Variants in STRN3 observed in about 807,000 individuals in gnomAD.
STRN3 encodes striatin-3.
Under a neutral mutation model 95.6 loss-of-function variants are expected in STRN3, and 29 were observed. That is an observed-to-expected ratio of 0.30 (90% CI 0.23 to 0.41). The LOEUF (loss-of-function observed/expected upper bound fraction) is 0.41. Among genes scored for constraint, STRN3 ranks in the 10% least tolerant of loss-of-function variants. The pLI is 1.00. For synonymous variants in STRN3, 331 were observed against 357.6 expected (o/e 0.93, Z 0.84); for missense variants, 890 against 972.1 (o/e 0.92, Z 1.12).
At chr14:30,957,750 T>C (rs1879992163) in intron 1 of STRN3, among the ~76,000 whole-genome samples, 1 of 152,188 alleles carries the variant, frequency 6.6e-6, no homozygotes, top group South Asian at 2.1e-4. Flanking sequence ...CACTAAAGAA[T>C]AATGTTGAAA....
intron 13 of STRN3, 32 bp from the exon 14 acceptor site, chr14:30,907,076 GTAAAAGAAGTT>G (rs1389866990): frequency 1.9e-6 from 3 of 1,590,620 alleles, no homozygotes; most frequent in Non-Finnish European, 2.6e-6. Flanking sequence ...AAAAAATTAG[GTAAAAGAAGTT>G]TAAAAGAAAC....
At chr14:30,969,380 T>A (rs1354715231) in intron 1 of STRN3, among the ~76,000 whole-genome samples, 1 of 151,828 alleles carries the variant, frequency 6.6e-6, no homozygotes, top group East Asian at 1.9e-4. Flanking sequence ...GAGCTTGCAA[T>A]GAGCTGAGAT....
intron 15 of STRN3, among the ~76,000 whole-genome samples, chr14:30,903,473 C>T (rs1896379416): frequency 1.3e-5 from 2 of 152,146 alleles, no homozygotes; most frequent in Non-Finnish European, 2.9e-5. Flanking sequence ...GCAATCATAG[C>T]TCACTGTAAC....
At chr14:30,965,768 C>CAAA (rs57644568) in intron 1 of STRN3, among the ~76,000 whole-genome samples, 2 of 103,758 alleles carry the variant, frequency 1.9e-5, no homozygotes, top group Non-Finnish European at 3.9e-5. Flanking sequence ...AACTCCATCT[C>CAAA]AAAAAAAAAA....
At chr14:31,001,568 T>C (rs1398499067) in intron 1 of STRN3, among the ~76,000 whole-genome samples, 7 of 151,198 alleles carry the variant, frequency 4.6e-5, no homozygotes, top group African/African-American at 1.7e-4. Flanking sequence ...ATGCCCTGAA[T>C]TCACATTTTG....
intron 1 of STRN3, chr14:31,025,455 G>T (rs112406943): frequency 5.5e-5 from 9 of 163,158 alleles, no homozygotes; most frequent in African/African-American, 2.3e-4. Context: ...AATCGGAAAG[G>T]GGGGTGGTCC....
intron 1 of STRN3, among the ~76,000 whole-genome samples, chr14:31,019,776 T>C (rs1004652476): frequency 4.6e-5 from 7 of 152,074 alleles, no homozygotes; most frequent in Non-Finnish European, 8.8e-5. Flanking sequence ...AAGGGGACTA[T>C]ACAATCCCCC....
rs1883921770 is a variant in STRN3 at position 31,026,265 on chromosome 14, G to C, written c.-80C>G. ...GGCCGGAGAGGGTGGCCCCGCGCTGGCTGCGGGGCGGAGGCCGGCCGGGAG... is the reference window on the plus strand; with the variant it reads ...GGCCGGAGAGGGTGGCCCCGCGCTGCCTGCGGGGCGGAGGCCGGCCGGGAG... On this transcript the variant is annotated 5_prime_UTR_variant, in exon 1 of 18. Transcript: ENST00000357479. 3 of 1,314,228 alleles carry C rather than the reference G, an allele frequency of 2.3e-6. No homozygotes were observed. The highest frequency in any genetic ancestry group is 2.9e-6 in the Non-Finnish European group (3 of 1,030,268). 81.4% of individuals were successfully genotyped at this position (1,314,228 alleles called of 1,614,324 possible).
intron 1 of STRN3, among the ~76,000 whole-genome samples, chr14:31,010,996 G>A (rs111598574): frequency 0.01 from 1,541 of 152,278 alleles, 27 homozygotes; most frequent in African/African-American, 0.035. Flanking sequence ...CCAAAATTGC[G>A]CCACTGCACT....
chr14:30,915,359 A>G (rs922919503), intron 9 of STRN3, among the ~76,000 whole-genome samples: 1 of 152,178 alleles, frequency 6.6e-6, no homozygotes, highest in Non-Finnish European at 1.5e-5. Context: ...TAAGCTATAT[A>G]ATCTGACTCA....
At chr14:30,944,033 G>A (rs189033298) in intron 5 of STRN3, among the ~76,000 whole-genome samples, 167 of 152,020 alleles carry the variant, frequency 1.1e-3, no homozygotes, top group East Asian at 3.1e-3. Context: ...TAACATACAC[G>A]CATGCACACA....
intron 1 of STRN3, among the ~76,000 whole-genome samples, chr14:30,966,265 C>T (rs1452064837): frequency 2.0e-5 from 3 of 152,170 alleles, no homozygotes; most frequent in African/African-American, 7.2e-5. Context: ...TCCAAGTGTG[C>T]GCTCACCATT....
rs7160010 is a variant in STRN3 at position 30,988,014 on chromosome 14, G to T, written c.283-31772C>A. Among the ~76,000 whole-genome samples the T allele has an allele frequency of 9.7e-4, 148 of 152,282 alleles. No individual in the cohort carries two copies. The Middle Eastern group carries it at 0.014, about 14-fold the overall frequency. ...GCCTCCCAACGTGCTGGGACTACAG[G>T]CGTAAGCCACCGCGTCCAGCTGTTT... On this transcript the variant is annotated intron_variant, in intron 1 of 17. Coordinates refer to ENST00000357479, the MANE Select transcript of STRN3 (RefSeq NM_001083893.2).
chr14:30,932,845 C>T (rs893695001), intron 7 of STRN3, among the ~76,000 whole-genome samples: 10 of 152,076 alleles, frequency 6.6e-5, no homozygotes, highest in South Asian at 6.2e-4. Context: ...GAATATGTGT[C>T]AAGATTTAGC....
intron 1 of STRN3, among the ~76,000 whole-genome samples, chr14:30,971,562 T>TA (rs1357249060): frequency 6.6e-6 from 1 of 152,196 alleles, no homozygotes; most frequent in Admixed American, 6.5e-5. Context: ...GGCAATCAGC[T>TA]AGATGGCTTA....
At chr14:30,909,466 T>A (rs902809136) in intron 13 of STRN3, among the ~76,000 whole-genome samples, 1 of 151,702 alleles carries the variant, frequency 6.6e-6, no homozygotes, top group African/African-American at 2.4e-5. Flanking sequence ...AGAGCAAGAC[T>A]GTTTCCAAAA....
rs1594572176 is a variant in STRN3 at position 31,005,141 on chromosome 14, G to T, written c.282+20763C>A. Among the ~76,000 whole-genome samples, 5 of 152,260 alleles carry T rather than the reference G, an allele frequency of 3.3e-5. 1 individual carries two copies. The South Asian group carries it at 1.0e-3, about 32-fold the overall frequency. On this transcript the variant is annotated intron_variant, in intron 1 of 17. Coordinates refer to ENST00000357479, the MANE Select transcript of STRN3 (RefSeq NM_001083893.2). ...GAGGTCAGGAGTTCGAGACCAGCCTGGCCAATATGGTGAAACCCCATCTCT... is the reference window on the plus strand; with the variant it reads ...GAGGTCAGGAGTTCGAGACCAGCCTTGCCAATATGGTGAAACCCCATCTCT...
At chr14:30,923,276 T>C (rs563246424) in intron 8 of STRN3, among the ~76,000 whole-genome samples, 15 of 152,310 alleles carry the variant, frequency 9.8e-5, no homozygotes, top group Non-Finnish European at 1.6e-4. Flanking sequence ...CAACATGTTT[T>C]CTTGGATCTG....
chr14:31,005,732 C>T (rs1162074984), intron 1 of STRN3, among the ~76,000 whole-genome samples: 1 of 152,202 alleles, frequency 6.6e-6, no homozygotes, highest in Non-Finnish European at 1.5e-5. Context: ...ATGATAAACT[C>T]TATTTTTACA....
Sources: allele counts gnomAD v4.1 joint callset (sites outside exome capture counted in the v4.1 genomes callset), GRCh38; gene constraint gnomAD v4.1.1; transcripts MANE v1.5; gene names NCBI Gene and HGNC (gene_info 2026-07-23, HGNC 2026-07-21).